Variants in ABCB1 observed in about 807,000 individuals in gnomAD.
ABCB1 encodes ATP-dependent translocase ABCB1.
A neutral mutation model predicts 142.0 loss-of-function variants in ABCB1; 69 were observed. That is an observed-to-expected ratio of 0.49 (90% CI 0.40 to 0.59). The LOEUF (loss-of-function observed/expected upper bound fraction) is 0.59. Ranked by LOEUF, ABCB1 falls within the 20% of genes least tolerant of loss-of-function variation. The pLI is 0.00. For synonymous variants in ABCB1, 532 were observed against 539.2 expected, an observed-to-expected ratio of 0.99 and a Z score of 0.18; for missense variants, 1,326 against 1,554.7, an observed-to-expected ratio of 0.85 and a Z score of 2.47.
intron 1 of ABCB1, among the ~76,000 whole-genome samples, chr7:87,687,727 C>T (rs1477298546): frequency 2.0e-5 from 3 of 152,124 alleles, no homozygotes; most frequent in Admixed American, 6.5e-5. Context: ...TGTGACTTGA[C>T]ATTTTAGAAT....
In ABCB1 at chr7:87,566,766, C is replaced by T; in HGVS notation, c.530+19G>A. On this transcript the variant is annotated intron_variant, in intron 6 of 27. Transcript: ENST00000622132. ...GGATAAGAACGACACCCAAGTTCAACATAAAACTAAATACTTACTCTGTAA... is the reference window on the plus strand; with the variant it reads ...GGATAAGAACGACACCCAAGTTCAATATAAAACTAAATACTTACTCTGTAA... 1.2e-6 allele frequency: 2 copies of T among 1,613,164 alleles called. No homozygotes were observed. The highest frequency in any genetic ancestry group is 1.7e-6 in the Non-Finnish European group (2 of 1,179,196).
At chr7:87,608,086 A>AT (rs11395081) in intron 1 of ABCB1, among the ~76,000 whole-genome samples, 7,375 of 152,266 alleles carry the variant, frequency 0.048, 257 homozygotes, top group East Asian at 0.087. Flanking sequence ...TATGATTTTA[A>AT]TGTCCTCAAT....
chr7:87,610,836 A>C (rs1214804273), intron 1 of ABCB1, among the ~76,000 whole-genome samples: 1 of 152,198 alleles, frequency 6.6e-6, no homozygotes, highest in Non-Finnish European at 1.5e-5. Context: ...CAGCATGCAT[A>C]TCTAAGTACA....
chr7:87,585,150 C>T (rs908086102), intron 4 of ABCB1, among the ~76,000 whole-genome samples: 1 of 152,112 alleles, frequency 6.6e-6, no homozygotes, highest in Non-Finnish European at 1.5e-5. Context: ...TAGAATCATC[C>T]CCGACTTTTC....
At chr7:87,576,567 T>C (rs1247180724) in intron 4 of ABCB1, among the ~76,000 whole-genome samples, 1 of 151,600 alleles carries the variant, frequency 6.6e-6, no homozygotes, top group African/African-American at 2.4e-5. Context: ...CAGCAAATAG[T>C]AAATGTTCAA....
At chr7:87,518,735 T>C (rs1815358010) in intron 23 of ABCB1, 1 of 152,510 alleles carries the variant, frequency 6.6e-6, no homozygotes, top group Admixed American at 6.5e-5. Context: ...GACCACCAAA[T>C]TGCATATTTG....
At chr7:87,660,260 A>G (rs1051781068) in intron 1 of ABCB1, among the ~76,000 whole-genome samples, 8 of 151,998 alleles carry the variant, frequency 5.3e-5, no homozygotes, top group Non-Finnish European at 1.2e-4. Context: ...GTGTACATGC[A>G]CTTCAACTAC....
At chr7:87,526,413 G>A (rs749252704) in intron 21 of ABCB1, among the ~76,000 whole-genome samples, 40 of 151,922 alleles carry the variant, frequency 2.6e-4, no homozygotes, top group Non-Finnish European at 4.3e-4. Context: ...AGGCACAGTG[G>A]CTCCCACCTG....
At chr7:87,610,396 C>CTTT (rs766581770) in intron 1 of ABCB1, among the ~76,000 whole-genome samples, 1 of 73,810 alleles carries the variant, frequency 1.4e-5, no homozygotes, top group African/African-American at 7.8e-5. Context: ...CACACCTGGC[C>CTTT]TTTTTTTTTT....
At chr7:87,567,636 C>CA (rs1239333140) in intron 5 of ABCB1, among the ~76,000 whole-genome samples, 4 of 152,080 alleles carry the variant, frequency 2.6e-5, no homozygotes, top group Non-Finnish European at 5.9e-5. Context: ...TTCATTTGCC[C>CA]AACTGGCCAT....
intron 1 of ABCB1, among the ~76,000 whole-genome samples, chr7:87,684,478 A>G (rs888324557): frequency 2.6e-5 from 4 of 152,128 alleles, no homozygotes; most frequent in African/African-American, 7.2e-5. Flanking sequence ...GCTTATACGT[A>G]TAGATAAATA....
At chr7:87,676,865 GAA>G (rs2130560887) in intron 1 of ABCB1, among the ~76,000 whole-genome samples, 1 of 152,158 alleles carries the variant, frequency 6.6e-6, no homozygotes, top group Admixed American at 6.5e-5. Context: ...ACTGATATAT[GAA>G]AAGACACTCG....
rs201153991 is a variant in ABCB1, at chr7:87,553,848, C to T, written c.912G>A (p.Leu304=). 1.4e-5 allele frequency: 22 copies of T among 1,614,078 alleles called. No individual in the cohort carries two copies. Among genetic ancestry groups the T allele is most frequent in the Non-Finnish European group, 1.9e-5 (22 of 1,179,922 alleles). Residue 304 remains leucine (L), a synonymous_variant, in exon 9 of 28, where the codon CTG becomes CTA. Coordinates refer to ENST00000622132, the MANE Select transcript of ABCB1 (RefSeq NM_001348946.2). ...TANISIGAAF[L]LIYASYALAF... Reference sequence around the variant, plus strand: ...CCAGAGCATAAGATGCATAGATCAGCAGGAAAGCAGCACCTATAGAAATAT... The same window carrying T: ...CCAGAGCATAAGATGCATAGATCAGTAGGAAAGCAGCACCTATAGAAATAT...
rs142847127 is a variant in ABCB1 at position 87,589,849 on chromosome 7, GGAGAGA to G, written c.118-4175_118-4170del. ...GAGAGAGAGAGAGGGAGAGAGGGAG[GGAGAGA>G]GAGAGAGAGAGAGAGAAAGAAAGAA... On this transcript the variant is annotated intron_variant, in intron 3 of 27. Coordinates refer to ENST00000622132, the MANE Select transcript of ABCB1 (RefSeq NM_001348946.2). 1.6e-3 allele frequency among the ~76,000 whole-genome samples: 169 copies of G among 108,536 alleles called. 1 individual carries two copies. The highest frequency in any genetic ancestry group is 2.2e-3 in the Non-Finnish European group (123 of 56,122). The allele number at this position is 108,536 out of a possible 152,430, so 71.2% of individuals were successfully genotyped here. A position where few individuals can be genotyped will look rare whatever the true frequency, so the allele number is the denominator to read the frequency against.
At chr7:87,690,483 C>T (rs1827906953) in intron 1 of ABCB1, among the ~76,000 whole-genome samples, 1 of 152,086 alleles carries the variant, frequency 6.6e-6, no homozygotes, top group African/African-American at 2.4e-5. Context: ...TAATACCTAC[C>T]ACCTACCTGT....
intron 1 of ABCB1, chr7:87,650,780 A>G: frequency 2.5e-6 from 3 of 1,223,992 alleles, no homozygotes; most frequent in Non-Finnish European, 3.6e-6. Context: ...TTAGGGAATG[A>G]ATCAACTCTG....
At position 87,550,273 on chromosome 7, in the gene ABCB1, C is replaced by T. The variant is rs749429338; in HGVS notation, c.1248G>A (p.Lys416=). 1 of 1,614,026 alleles carries T rather than the reference C, an allele frequency of 6.2e-7. No individual in the cohort carries two copies. Among genetic ancestry groups the T allele is most frequent in the South Asian group, 1.1e-5 (1 of 91,082 alleles). ...GGGCCACCGTCTGCCCACTCTGCAC[C>T]TTCAGGTTCAGACCCTTCAAGATCT... ...EVKILKGLNL[K]VQSGQTVALV... The change falls in exon 12 of 28, where the codon AAG becomes AAA. Residue 416 remains lysine, a synonymous_variant. Coordinates refer to ENST00000622132, the MANE Select transcript of ABCB1 (RefSeq NM_001348946.2).
At chr7:87,579,660 T>C (rs1346883466) in intron 4 of ABCB1, among the ~76,000 whole-genome samples, 2 of 152,156 alleles carry the variant, frequency 1.3e-5, no homozygotes, top group Non-Finnish European at 2.9e-5. Flanking sequence ...TCAATGTTAT[T>C]ATTGATAAGT....
rs550552806 is a variant in ABCB1 at position 87,665,480 on chromosome 7, A to G, written c.-331+47681T>C. On this transcript the variant is annotated intron_variant, in intron 1 of 28. Transcript: ENST00000265724. ...ATATATCTCATGCTCATGGGTTGGA[A>G]GAATTTTTATTGTTAAATGTCCATA... Among the ~76,000 whole-genome samples, 7 of 152,262 alleles carry G rather than the reference A, an allele frequency of 4.6e-5. No individual in the cohort carries two copies. In the East Asian group the frequency reaches 1.4e-3, roughly 29 times the overall value.
Sources: allele counts gnomAD v4.1 joint callset (sites outside exome capture counted in the v4.1 genomes callset), GRCh38; gene constraint gnomAD v4.1.1; transcripts MANE v1.5; gene names NCBI Gene and HGNC (gene_info 2026-07-23, HGNC 2026-07-21).